SNX24: variants seen among roughly 807,000 people sequenced by gnomAD.
The protein encoded by SNX24 is sorting nexin 24.
Under a neutral mutation model 28.7 loss-of-function variants are expected in SNX24, and 22 were observed. The observed-to-expected ratio is 0.77, with a 90% CI of 0.55 to 1.10. The LOEUF is 1.10. Ranked by LOEUF, SNX24 falls within the 50% of genes least tolerant of loss-of-function variation. SNX24 has a pLI of 0.00. For missense variants in SNX24, 221 were observed against 201.1 expected, an observed-to-expected ratio of 1.10 and a Z score of -0.60; for synonymous variants, 69 against 71.5, an observed-to-expected ratio of 0.96 and a Z score of 0.18.
chr5:122,992,977 T>C (rs373734436), intron 3 of SNX24, among the ~76,000 whole-genome samples: 2 of 150,422 alleles, frequency 1.3e-5, no homozygotes, highest in Non-Finnish European at 3.0e-5. Flanking sequence ...TTTTTTTTTT[T>C]CAAATCTTCT....
intron 3 of SNX24, among the ~76,000 whole-genome samples, chr5:122,984,303 C>T (rs915905079): frequency 2.0e-5 from 3 of 151,934 alleles, no homozygotes; most frequent in African/African-American, 7.3e-5. Context: ...AAAAAAAATC[C>T]ACTGCATTTT....
At chr5:123,013,215 C>T (rs571929068), downstream of SNX24, among the ~76,000 whole-genome samples, 1 of 152,182 alleles carries the variant, frequency 6.6e-6, no homozygotes, top group Admixed American at 6.5e-5. Flanking sequence ...CATTTGGGTC[C>T]CCCCACTGGA....
At chr5:122,927,870 T>C (rs1319280871) in intron 1 of SNX24, among the ~76,000 whole-genome samples, 1 of 152,160 alleles carries the variant, frequency 6.6e-6, no homozygotes. Flanking sequence ...TCAAACTTAG[T>C]GTGGCTAGTG....
intron 3 of SNX24, among the ~76,000 whole-genome samples, chr5:122,983,692 C>G (rs1220093915): frequency 6.6e-6 from 1 of 152,200 alleles, no homozygotes; most frequent in Non-Finnish European, 1.5e-5. Flanking sequence ...TAGCCTTGAC[C>G]TCCTAGGCTC....
At chr5:122,907,793 G>T (rs1242337295) in intron 1 of SNX24, among the ~76,000 whole-genome samples, 1 of 151,962 alleles carries the variant, frequency 6.6e-6, no homozygotes, top group African/African-American at 2.4e-5. Context: ...TCCTGATAAT[G>T]GCACAAGAAT....
chr5:122,930,081 T>C lies in SNX24; in HGVS notation c.61-6653T>C, dbSNP rs12656105. ...ATTTTGAACAGGTTTTCTATGGATT[T>C]CTTTGTTTCTCTGTGTGCCAAGCAC... On this transcript the variant is annotated intron_variant, in intron 1 of 6. Coordinates refer to ENST00000261369, the MANE Select transcript of SNX24 (RefSeq NM_014035.4). Among the ~76,000 whole-genome samples, 37 of 152,318 alleles carry C rather than the reference T, an allele frequency of 2.4e-4. No individual in the cohort carries two copies. The East Asian group carries it at 7.2e-3, about 29-fold the overall frequency.
chr5:123,002,073 TA>T (rs748736547), intron 6 of SNX24, 69 bp downstream of exon 6: 50 of 1,204,764 alleles, frequency 4.2e-5, no homozygotes, highest in Non-Finnish European at 6.0e-5. Flanking sequence ...ACCACGTTTT[TA>T]ATACAGGTCT....
At chr5:122,953,396 TG>T (rs1760052916) in intron 3 of SNX24, among the ~76,000 whole-genome samples, 1 of 152,324 alleles carries the variant, frequency 6.6e-6, no homozygotes, top group African/African-American at 2.4e-5. Flanking sequence ...TGAGCTACTT[TG>T]CCTAGCCATC....
At chr5:123,002,351 G>A (rs1173220269) in intron 6 of SNX24, among the ~76,000 whole-genome samples, 1 of 152,118 alleles carries the variant, frequency 6.6e-6, no homozygotes, top group Non-Finnish European at 1.5e-5. Context: ...TTTTAAAAAT[G>A]CCTCTTCCCG....
At chr5:122,932,849 ACT>A (rs1162851201) in intron 1 of SNX24, among the ~76,000 whole-genome samples, 1 of 113,282 alleles carries the variant, frequency 8.8e-6, no homozygotes, top group East Asian at 2.7e-4. Context: ...ACAGAGCAAG[ACT>A]CTGTCTCAAA....
At chr5:122,879,673 T>TTGTATGTA (rs554807890) in intron 1 of SNX24, among the ~76,000 whole-genome samples, 11 of 151,374 alleles carry the variant, frequency 7.3e-5, no homozygotes, top group African/African-American at 2.7e-4. Context: ...TAATCAATTT[T>TTGTATGTA]TGTATGTATG....
chr5:122,847,039 A>T (rs1754671002), intron 1 of SNX24, among the ~76,000 whole-genome samples: 1 of 149,246 alleles, frequency 6.7e-6, no homozygotes, highest in Non-Finnish European at 1.5e-5. Flanking sequence ...CAGGTATCTC[A>T]CTTCTCCCAT....
chr5:123,009,203 A>T lies in SNX24; in HGVS notation c.*1454A>T. 1 of 985,056 alleles carries T rather than the reference A, an allele frequency of 1.0e-6. No individual in the cohort carries two copies. Among genetic ancestry groups the T allele is most frequent in the Non-Finnish European group, 1.2e-6 (1 of 829,380 alleles). 61.0% of individuals were successfully genotyped at this position (985,056 alleles called of 1,614,324 possible). The stretch of plus-strand genomic sequence containing the variant: ...GGAGTTAAATAAAAACAGAACAAGG[A>T]AACATTTGAGTTTGTCTTCTCCTAA... On this transcript the variant is annotated 3_prime_UTR_variant, in exon 7 of 7. Transcript: ENST00000261369.
intron 6 of SNX24, among the ~76,000 whole-genome samples, chr5:123,003,527 T>C (rs1400995043): frequency 6.6e-6 from 1 of 152,204 alleles, no homozygotes; most frequent in Non-Finnish European, 1.5e-5. Context: ...TTGTTTATGC[T>C]CAGATATGTC....
At chr5:122,894,709 C>G (rs191567298) in intron 1 of SNX24, among the ~76,000 whole-genome samples, 1 of 152,188 alleles carries the variant, frequency 6.6e-6, no homozygotes, top group African/African-American at 2.4e-5. Flanking sequence ...GAAGTGCTTA[C>G]TGCTTCTGGT....
At chr5:122,992,909 T>C (rs185564747) in intron 3 of SNX24, among the ~76,000 whole-genome samples, 1 of 152,206 alleles carries the variant, frequency 6.6e-6, no homozygotes, top group Non-Finnish European at 1.5e-5. Flanking sequence ...ATTTTCCAAT[T>C]TCTTTTGTTC....
At chr5:122,849,617 T>G (rs1581663752) in intron 1 of SNX24, among the ~76,000 whole-genome samples, 2 of 152,030 alleles carry the variant, frequency 1.3e-5, no homozygotes, top group East Asian at 1.9e-4. Context: ...GAGGGGCACC[T>G]CTAAATAAGT....
At chr5:122,870,482 T>C (rs1401221154) in intron 1 of SNX24, among the ~76,000 whole-genome samples, 2 of 152,202 alleles carry the variant, frequency 1.3e-5, no homozygotes, top group Non-Finnish European at 2.9e-5. Flanking sequence ...TGTTGTTCCT[T>C]AGCCTGCAGC....
intron 1 of SNX24, chr5:122,853,726 G>A (rs905289148): frequency 4.6e-5 from 18 of 388,792 alleles, no homozygotes; most frequent in South Asian, 7.6e-5. Context: ...GGTCTCAAGC[G>A]ATCCTACCGC....
Sources: gnomAD v4.1 joint callset for allele counts (sites outside exome capture counted in the v4.1 genomes callset) on GRCh38, gnomAD v4.1.1 for gene constraint, MANE v1.5 for transcripts, NCBI Gene and HGNC (gene_info 2026-07-23, HGNC 2026-07-21) for gene names.